Variants in EXOC4 observed in about 807,000 individuals in gnomAD.
EXOC4 encodes exocyst complex component 4.
In EXOC4, 71 loss-of-function variants were observed where a neutral mutation model predicts 107.2. The ratio of observed to expected loss-of-function variants is 0.66; its 90% CI spans 0.55 to 0.81. EXOC4 has a LOEUF of 0.81. EXOC4 is among the 30% of genes least tolerant of loss of function. The pLI is 0.00. For missense variants in EXOC4, 1,108 were observed against 1,189.6 expected (o/e 0.93, Z 1.01); for synonymous variants, 456 against 441.2 (o/e 1.03, Z -0.42).
intron 13 of EXOC4, among the ~76,000 whole-genome samples, chr7:133,924,197 C>G (rs1295493546): frequency 2.6e-5 from 4 of 152,348 alleles, no homozygotes; most frequent in African/African-American, 9.6e-5. Flanking sequence ...CGTAAGCATA[C>G]TCATCTAACT....
intron 5 of EXOC4, among the ~76,000 whole-genome samples, chr7:133,336,519 C>T (rs1030148976): frequency 2.0e-5 from 3 of 152,140 alleles, no homozygotes; most frequent in African/African-American, 7.2e-5. Context: ...TTTCATTTTA[C>T]AATTCTTGCC....
intron 9 of EXOC4, among the ~76,000 whole-genome samples, chr7:133,499,745 A>G (rs1005229805): frequency 6.6e-6 from 1 of 152,030 alleles, no homozygotes; most frequent in Non-Finnish European, 1.5e-5. Context: ...TGCTCTTGTG[A>G]TAGGGTTCTC....
chr7:133,992,066 T>C (rs1433695204), intron 14 of EXOC4, among the ~76,000 whole-genome samples: 5 of 152,174 alleles, frequency 3.3e-5, no homozygotes, highest in Non-Finnish European at 5.9e-5. Context: ...TTCAATAATA[T>C]TAATTATTAT....
intron 7 of EXOC4, among the ~76,000 whole-genome samples, chr7:133,432,387 G>A (rs1434212605): frequency 6.6e-6 from 1 of 152,142 alleles, no homozygotes. Context: ...TGTATTTGGT[G>A]AGCTAATGTA....
chr7:133,596,229 A>G (rs1801667895), intron 9 of EXOC4, among the ~76,000 whole-genome samples: 1 of 152,164 alleles, frequency 6.6e-6, no homozygotes, highest in African/African-American at 2.4e-5. Flanking sequence ...TTCACATTGG[A>G]AAAAGAAAAT....
chr7:133,369,290 CCTTTT>C (rs1006733337), intron 6 of EXOC4, among the ~76,000 whole-genome samples: 55 of 151,966 alleles, frequency 3.6e-4, no homozygotes, highest in African/African-American at 1.3e-3. Flanking sequence ...CTTCCTTTCT[CCTTTT>C]CTTTTTAAAG....
rs1000170555 is a variant in EXOC4, at chr7:133,576,780, C to T, written c.1418-53265C>T. On this transcript the variant is annotated intron_variant, in intron 9 of 17. Coordinates refer to ENST00000253861, the MANE Select transcript of EXOC4 (RefSeq NM_021807.4). ...TGGAGAGGTAACTGTGAGGCTTTTA[C>T]ACCCAGACAGCCCTTCTGTGCATGG... The T allele has an allele frequency of 1.1e-4, 143 of 1,289,252 alleles. 1 individual carries two copies. Among genetic ancestry groups the T allele is most frequent in the Non-Finnish European group, 1.2e-4 (123 of 988,582 alleles). 79.9% of individuals were successfully genotyped at this position (1,289,252 alleles called of 1,614,324 possible).
intron 9 of EXOC4, among the ~76,000 whole-genome samples, chr7:133,605,955 T>C (rs1413605380): frequency 6.6e-6 from 1 of 151,972 alleles, no homozygotes; most frequent in Non-Finnish European, 1.5e-5. Context: ...AGGAGGAGAA[T>C]CAAGACAGTA....
At chr7:133,445,731 G>A (rs1043378905) in intron 7 of EXOC4, among the ~76,000 whole-genome samples, 4 of 152,072 alleles carry the variant, frequency 2.6e-5, no homozygotes, top group Admixed American at 6.6e-5. Context: ...CAGGAGCTGC[G>A]TTATCTGGTG....
At chr7:133,782,710 G>A (rs909964112) in intron 10 of EXOC4, among the ~76,000 whole-genome samples, 8 of 152,152 alleles carry the variant, frequency 5.3e-5, no homozygotes, top group Non-Finnish European at 7.3e-5. Flanking sequence ...TGAATGCCAG[G>A]AATGACTGTC....
At chr7:133,753,156 A>G (rs1167997078) in intron 10 of EXOC4, among the ~76,000 whole-genome samples, 2 of 152,224 alleles carry the variant, frequency 1.3e-5, no homozygotes, top group African/African-American at 2.4e-5. Flanking sequence ...TTATGTGTAA[A>G]TTATGTTCTG....
intron 10 of EXOC4, among the ~76,000 whole-genome samples, chr7:133,738,064 A>G (rs1795486153): frequency 6.6e-6 from 1 of 151,692 alleles, no homozygotes; most frequent in South Asian, 2.1e-4. Context: ...GGTGCACCCC[A>G]TCATGCCAGG....
chr7:134,018,690 C>G (rs1193102966), intron 17 of EXOC4, among the ~76,000 whole-genome samples: 1 of 151,774 alleles, frequency 6.6e-6, no homozygotes, highest in Non-Finnish European at 1.5e-5. Flanking sequence ...TCATTTGTTC[C>G]CATCTTTTAA....
chr7:134,039,651 C>G (rs2071308979), intron 17 of EXOC4, among the ~76,000 whole-genome samples: 1 of 152,122 alleles, frequency 6.6e-6, no homozygotes, highest in African/African-American at 2.4e-5. Context: ...TCCTTGCTGC[C>G]CCAGTACAAT....
intron 3 of EXOC4, among the ~76,000 whole-genome samples, chr7:133,296,406 G>T (rs936199984): frequency 6.6e-6 from 1 of 152,106 alleles, no homozygotes; most frequent in Non-Finnish European, 1.5e-5. Context: ...GTGGTCAGCT[G>T]TAGCTGCTTT....
chr7:133,801,516 A>G (rs1215172604), intron 10 of EXOC4, among the ~76,000 whole-genome samples: 1 of 152,194 alleles, frequency 6.6e-6, no homozygotes, highest in African/African-American at 2.4e-5. Context: ...AGATGGGTGC[A>G]TCAACACAGG....
intron 7 of EXOC4, among the ~76,000 whole-genome samples, chr7:133,474,751 T>C (rs1798968177): frequency 6.6e-6 from 1 of 152,170 alleles, no homozygotes; most frequent in East Asian, 1.9e-4. Flanking sequence ...AGGTTTGTTT[T>C]AGTATTTATC....
intron 7 of EXOC4, among the ~76,000 whole-genome samples, chr7:133,401,664 AG>A (rs994734942): frequency 6.6e-6 from 1 of 150,850 alleles, no homozygotes; most frequent in African/African-American, 2.4e-5. Flanking sequence ...AAAAAAAAAA[AG>A]AAAAAAAAGA....
At chr7:133,295,378 T>C (rs1794495829) in intron 3 of EXOC4, among the ~76,000 whole-genome samples, 1 of 152,170 alleles carries the variant, frequency 6.6e-6, no homozygotes, top group Non-Finnish European at 1.5e-5. Context: ...TTATGTGTTA[T>C]CAATTACTTA....
Sources: allele counts gnomAD v4.1 joint callset (sites outside exome capture counted in the v4.1 genomes callset), GRCh38; gene constraint gnomAD v4.1.1; transcripts MANE v1.5; gene names NCBI Gene and HGNC (gene_info 2026-07-23, HGNC 2026-07-21).